Variants in DNAH7 observed in about 807,000 individuals in gnomAD.
DNAH7 encodes dynein axonemal heavy chain 7, also known as axonemal beta dynein heavy chain 7.
Under a neutral mutation model 444.6 loss-of-function variants are expected in DNAH7, and 397 were observed. The ratio of observed to expected loss-of-function variants is 0.89; its 90% CI spans 0.82 to 0.97. DNAH7 has a LOEUF of 0.97. Ranked by LOEUF, DNAH7 falls within the 50% of genes least tolerant of loss-of-function variation. DNAH7 has a pLI of 0.00. For synonymous variants in DNAH7, 1,636 were observed against 1,624.4 expected (o/e 1.01, Z -0.17); for missense variants, 4,902 against 4,800.8 (o/e 1.02, Z -0.62).
intron 2 of DNAH7, among the ~76,000 whole-genome samples, chr2:196,054,278 T>C (rs931796463): frequency 2.0e-5 from 3 of 152,238 alleles, no homozygotes; most frequent in African/African-American, 7.2e-5. Flanking sequence ...CCTAGCACTT[T>C]GGGAGGCAAA....
At chr2:195,787,231 C>A (rs142876985) in intron 57 of DNAH7, 60 bp from the exon 58 acceptor site, 16,371 of 1,495,464 alleles carry the variant, frequency 0.011, 110 homozygotes, top group Non-Finnish European at 0.013. Flanking sequence ...ATTATATTTA[C>A]CATATTTTAA....
At chr2:195,801,437 AG>A (rs1404659097) in intron 54 of DNAH7, among the ~76,000 whole-genome samples, 4 of 152,146 alleles carry the variant, frequency 2.6e-5, no homozygotes, top group Non-Finnish European at 4.4e-5. Flanking sequence ...CTAGTAGACA[AG>A]GGGCTACAAA....
chr2:195,908,477 C>A (rs563440186), intron 25 of DNAH7, among the ~76,000 whole-genome samples: 47 of 152,194 alleles, frequency 3.1e-4, no homozygotes, highest in Non-Finnish European at 1.5e-5. Flanking sequence ...CTACTCTCTA[C>A]AGCCATGTGT....
chr2:196,007,910 A>G (rs1694482484), intron 10 of DNAH7, among the ~76,000 whole-genome samples: 1 of 152,180 alleles, frequency 6.6e-6, no homozygotes, highest in African/African-American at 2.4e-5. Context: ...AGGCACAAAC[A>G]ACCAAAGAAA....
chr2:195,971,791 G>A (rs903006812), intron 16 of DNAH7, among the ~76,000 whole-genome samples: 1 of 151,962 alleles, frequency 6.6e-6, no homozygotes, highest in Non-Finnish European at 1.5e-5. Context: ...GAAAAAAGCT[G>A]GAGTTACTGA....
At chr2:195,850,813 G>C (rs1003069316) in intron 46 of DNAH7, among the ~76,000 whole-genome samples, 1 of 152,108 alleles carries the variant, frequency 6.6e-6, no homozygotes, top group African/African-American at 2.4e-5. Context: ...GGACAAGGAG[G>C]AGTAGAAGCC....
intron 51 of DNAH7, among the ~76,000 whole-genome samples, chr2:195,815,356 T>C (rs1275005155): frequency 1.3e-5 from 2 of 152,134 alleles, no homozygotes; most frequent in Non-Finnish European, 2.9e-5. Flanking sequence ...TCTATATATA[T>C]TTTTGGCCAA....
At position 195,923,651 on chromosome 2, in the gene DNAH7, T is replaced by A. The variant is rs1335280027; in HGVS notation, c.3769A>T (p.Asn1257Tyr). Residue 1257 changes from asparagine (N) to tyrosine (Y), a missense_variant, in exon 23 of 65, where the codon AAT becomes TAT. Transcript: ENST00000312428. ...TCAAAGTCAGAGTCATCGCTAATAT[T>A]TTTTTTTACAAGTGATGAGAGGACA... ...RDVLSSLVKK[N>Y]ISDDSDFEWL... 8.1e-6 allele frequency: 13 copies of A among 1,613,862 alleles called. No homozygotes were observed. Among genetic ancestry groups the A allele is most frequent in the African/African-American group, 5.3e-5 (4 of 74,986 alleles).
At chr2:196,000,107 T>C (rs1693942572) in intron 12 of DNAH7, among the ~76,000 whole-genome samples, 1 of 152,212 alleles carries the variant, frequency 6.6e-6, no homozygotes, top group South Asian at 2.1e-4. Flanking sequence ...ACTAGTTTCC[T>C]GCACTCTTCT....
At chr2:196,015,153 A>C (rs934152183) in intron 9 of DNAH7, among the ~76,000 whole-genome samples, 4 of 152,162 alleles carry the variant, frequency 2.6e-5, no homozygotes, top group Non-Finnish European at 5.9e-5. Context: ...GGATTCCCTC[A>C]AATGGGAGCC....
intron 5 of DNAH7, among the ~76,000 whole-genome samples, chr2:196,030,283 T>C (rs1695968818): frequency 6.6e-6 from 1 of 152,130 alleles, no homozygotes; most frequent in Non-Finnish European, 1.5e-5. Flanking sequence ...CTCACTATCA[T>C]AGGAATAATA....
chr2:195,751,243 T>A (rs1339644038), intron 63 of DNAH7, among the ~76,000 whole-genome samples: 1 of 152,248 alleles, frequency 6.6e-6, no homozygotes, highest in Non-Finnish European at 1.5e-5. Context: ...AGATATCATA[T>A]GTCCCAATGA....
rs371347812 is a variant in DNAH7 at position 196,024,466 on chromosome 2, C to T, written c.706G>A (p.Asp236Asn). 27 of 1,584,102 alleles carry T rather than the reference C, an allele frequency of 1.7e-5. No homozygotes were observed. The African/African-American group carries it at 3.0e-4, about 18-fold the overall frequency. Reference protein sequence around the residue: ...VLKDPREKGDDKKTDELPAHR... With the variant: ...VLKDPREKGDNKKTDELPAHR... ...GCTGGAAGTTCATCTGTCTTCTTAT[C>T]ATCTCCTTTCTCTCGAGGATCTTTT... The change falls in exon 8 of 65, where the codon GAT becomes AAT. Residue 236 changes from aspartate to asparagine, a missense_variant. By Grantham distance (23) the Asp-to-Asn change is conservative. Transcript: ENST00000312428.
chr2:195,982,615 G>GT (rs1284769551), intron 15 of DNAH7, among the ~76,000 whole-genome samples: 1 of 152,096 alleles, frequency 6.6e-6, no homozygotes. Context: ...AAAAGAAAAT[G>GT]TGGTACACAA....
rs186255761 is a variant in DNAH7, at chr2:195,794,403, T to C, written c.10651A>G (p.Ile3551Val). The C allele has an allele frequency of 1.2e-6, 2 of 1,614,160 alleles. No individual in the cohort carries two copies. Among genetic ancestry groups the C allele is most frequent in the East Asian group, 4.5e-5 (2 of 44,878 alleles). Reference sequence around the variant, plus strand: ...GGGTCCATGAGGTATGATCGAATGATATTAGCCCGTAAACCTTTTGGTGCT... The same window carrying C: ...GGGTCCATGAGGTATGATCGAATGACATTAGCCCGTAAACCTTTTGGTGCT... Reference protein sequence around the residue: ...NEAPKGLRANIIRSYLMDPIS... With the variant: ...NEAPKGLRANVIRSYLMDPIS... Residue 3551 changes from isoleucine to valine, a missense_variant, in exon 57 of 65, where the codon ATC becomes GTC. Transcript: ENST00000312428.
In DNAH7 at chr2:195,754,398, A is replaced by T; in HGVS notation, c.11703T>A (p.Asp3901Glu). ...TCACTTCATAGTCAAACCCAAGAAG[A>T]TCAATAGGAATTGTGTATTTCCTGG... is the stretch of plus-strand genomic sequence containing the variant. Reference protein sequence around the residue: ...NYARKYTIPIDLLGFDYEVME... With the variant: ...NYARKYTIPIELLGFDYEVME... The change falls in exon 63 of 65, where the codon GAT becomes GAA. Residue 3901 changes from aspartate to glutamate, a missense_variant. Transcript: ENST00000312428. The T allele has an allele frequency of 6.2e-7, 1 of 1,614,072 alleles. No homozygotes were observed. Among genetic ancestry groups the T allele is most frequent in the Non-Finnish European group, 8.5e-7 (1 of 1,179,982 alleles).
intron 15 of DNAH7, 80 bp downstream of exon 15, chr2:195,984,552 T>C (rs909461615): frequency 3.1e-5 from 42 of 1,363,164 alleles, no homozygotes; most frequent in Non-Finnish European, 4.2e-5. Flanking sequence ...TCTTAACTTT[T>C]CGAGTGATTT....
At chr2:195,969,802 A>C (rs1166954042) in intron 17 of DNAH7, 146 bp downstream of exon 17, 2 of 819,418 alleles carry the variant, frequency 2.4e-6, no homozygotes, top group African/African-American at 1.8e-5. Context: ...CATGTCTATA[A>C]AATCTATTTG....
chr2:195,745,751 A>G (rs575415724), intron 63 of DNAH7, among the ~76,000 whole-genome samples: 15 of 152,328 alleles, frequency 9.8e-5, no homozygotes, highest in Admixed American at 4.6e-4. Context: ...AGCCAAACTA[A>G]GCTTCATAAG....
Sources: gnomAD v4.1 joint callset for allele counts (sites outside exome capture counted in the v4.1 genomes callset) on GRCh38, gnomAD v4.1.1 for gene constraint, MANE v1.5 for transcripts, NCBI Gene and HGNC (gene_info 2026-07-23, HGNC 2026-07-21) for gene names.